The following SEC16A variants were observed in gnomAD, a reference collection of about 807,000 sequenced individuals.
The protein encoded by SEC16A is protein transport protein Sec16A.
In SEC16A, 110 loss-of-function variants were observed where a neutral mutation model predicts 221.9. The observed-to-expected ratio is 0.50, with a 90% confidence interval of 0.42 to 0.58. The LOEUF is 0.58. Ranked by LOEUF, SEC16A falls within the 20% of genes least tolerant of loss-of-function variation. The pLI is 0.00. For synonymous variants in SEC16A, 1,393 were observed against 1,257.7 expected (o/e 1.11, Z -2.28); for missense variants, 3,165 against 3,097.8 (o/e 1.02, Z -0.52).
At chr9:136,461,452 G>C (rs964109819) in intron 12 of SEC16A, among the ~76,000 whole-genome samples, 178 bp from the exon 13 acceptor site, 3 of 152,202 alleles carry the variant, frequency 2.0e-5, no homozygotes, top group African/African-American at 7.2e-5. Flanking sequence ...ATTTTCCTGA[G>C]TTTCAAAGTC....
intron 1 of SEC16A, among the ~76,000 whole-genome samples, chr9:136,480,872 G>A (rs1180729653): frequency 6.7e-6 from 1 of 148,172 alleles, no homozygotes; most frequent in Non-Finnish European, 1.5e-5. Context: ...CCTGGGCAGA[G>A]CGAGACTCCG....
chr9:136,462,385 C>T (rs1441218460), intron 12 of SEC16A, among the ~76,000 whole-genome samples: 1 of 152,212 alleles, frequency 6.6e-6, no homozygotes, highest in South Asian at 2.1e-4. Flanking sequence ...GGCCCCCCAC[C>T]TGCCCCAGTC....
chr9:136,447,956 C>T lies in SEC16A; in HGVS notation c.6391-47G>A, dbSNP rs759732865. The T allele has an allele frequency of 6.4e-7, 1 of 1,557,942 alleles. No homozygotes were observed. The highest frequency in any genetic ancestry group is 1.4e-5 in the African/African-American group (1 of 73,624). ...AAAAGGTCAGCAGACTGAACCTAAACAGAATTAGCATCTGATTAATGATGA... is the reference window on the plus strand; with the variant it reads ...AAAAGGTCAGCAGACTGAACCTAAATAGAATTAGCATCTGATTAATGATGA... On this transcript the variant is annotated intron_variant, in intron 24 of 31. Transcript: ENST00000684901. The surrounding 1 kb of genome is among the most constrained non-coding windows in gnomAD (Gnocchi z 5.5).
rs546424793 is a variant in SEC16A, at chr9:136,449,627, T to C, written c.6313-1466A>G. Among the ~76,000 whole-genome samples the C allele has an allele frequency of 1.1e-3, 163 of 152,248 alleles. 1 individual carries two copies. Among genetic ancestry groups the C allele is most frequent in the Middle Eastern group, 6.8e-3 (2 of 294 alleles). On this transcript the variant is annotated intron_variant, in intron 23 of 31. Coordinates refer to ENST00000684901, the MANE Select transcript of SEC16A (RefSeq NM_014866.2). ...CTGGGGTGACAGGTGTGAGCCGCCA[T>C]GCCCGGCCTGATGCACTTCACTTCT...
Position 136,446,843 on chromosome 9 carries a change from G to A in SEC16A, c.6792+12C>T, listed in dbSNP as rs1178444660. 3.3e-5 allele frequency: 52 copies of A among 1,592,006 alleles called. No homozygotes were observed. The highest frequency in any genetic ancestry group is 1.7e-4 in the Middle Eastern group (1 of 5,956). On this transcript the variant is annotated intron_variant, in intron 28 of 31. Transcript: ENST00000684901. ...CTGGGTACCTTTCCCCTTTCCCACCGTACCCGCTCACCTTGGGCTCTGGGG... is the reference window on the plus strand; with the variant it reads ...CTGGGTACCTTTCCCCTTTCCCACCATACCCGCTCACCTTGGGCTCTGGGG...
chr9:136,484,675 G>A (rs772937566), upstream of SEC16A: 2 of 1,366,324 alleles, frequency 1.5e-6, no homozygotes, highest in Admixed American at 1.9e-5. Context: ...TCCGTGCCAC[G>A]CCAGCAGGGC....
At position 136,448,909 on chromosome 9, in the gene SEC16A, G is replaced by A. The variant is rs748031662; in HGVS notation, c.6313-748C>T. 3.1e-4 allele frequency: 214 copies of A among 683,906 alleles called. 1 individual carries two copies. Among genetic ancestry groups the A allele is most frequent in the Admixed American group, 6.4e-4 (31 of 48,070 alleles). The allele number at this position is 683,906 out of a possible 1,614,324, so 42.4% of individuals were successfully genotyped here. On this transcript the variant is annotated intron_variant, in intron 23 of 31. Coordinates refer to ENST00000684901, the MANE Select transcript of SEC16A (RefSeq NM_014866.2). ...TTTCAAGGAGACAGAGTTTCTGTTTGGGAAGGTGAGACAGTTCTGGAGATG... is the reference window on the plus strand; with the variant it reads ...TTTCAAGGAGACAGAGTTTCTGTTTAGGAAGGTGAGACAGTTCTGGAGATG...
At chr9:136,451,655 A>G (rs1306419077) in intron 22 of SEC16A, among the ~76,000 whole-genome samples, 3 of 152,204 alleles carry the variant, frequency 2.0e-5, no homozygotes, top group Admixed American at 6.5e-5. Flanking sequence ...GTCTGGGAGC[A>G]CTCAGCACTC....
In SEC16A at chr9:136,465,946, C is replaced by A; in HGVS notation, c.4303+16G>T. ...GTGGGGTTAGCCGGTATCCCTCTGT[C>A]CTGCTGAGCACACACCTTGCTCCAT... is the stretch of plus-strand genomic sequence containing the variant. On this transcript the variant is annotated intron_variant, in intron 8 of 31. Transcript: ENST00000684901. The A allele has an allele frequency of 6.2e-7, 1 of 1,610,916 alleles. No homozygotes were observed. The highest frequency in any genetic ancestry group is 1.1e-5 in the South Asian group (1 of 90,958).
intron 20 of SEC16A, among the ~76,000 whole-genome samples, 161 bp downstream of exon 20, chr9:136,455,440 A>T (rs1471322830): frequency 6.6e-6 from 1 of 152,108 alleles, no homozygotes; most frequent in Non-Finnish European, 1.5e-5. Context: ...GGGAAGAGGG[A>T]GGAGACCGAG....
upstream of SEC16A, chr9:136,483,380 C>T (rs1212055591): frequency 3.3e-6 from 2 of 603,338 alleles, no homozygotes; most frequent in Non-Finnish European, 4.1e-6. Context: ...TTCGTCCCGC[C>T]CCCTTAGCCC....
chr9:136,471,856 G>T, intron 4 of SEC16A, 119 bp downstream of exon 4: 1 of 1,226,292 alleles, frequency 8.2e-7, no homozygotes, highest in Admixed American at 2.0e-5. Context: ...TGTTAGATAA[G>T]TTTGTACAAT....
chr9:136,463,481 G>A lies in SEC16A; in HGVS notation c.4629C>T (p.Leu1543=), dbSNP rs759713406. Residue 1543 remains leucine, a synonymous_variant, in exon 11 of 32, where the codon CTC becomes CTT. Transcript: ENST00000684901. ...AACATACCCCATTTTGTCTGCATAA[G>A]AGAACAATAAAATTCCAAAGAAGAC... is the stretch of plus-strand genomic sequence containing the variant. ...SASLLWNFIV[L]LCRQNGTVVG... 1 of 1,613,806 alleles carries A rather than the reference G, an allele frequency of 6.2e-7. No individual in the cohort carries two copies.
At position 136,474,088 on chromosome 9, in the gene SEC16A, C is replaced by T. The variant is rs767094105; in HGVS notation, c.3528G>A (p.Pro1176=). ...YDAYQPQYSL[P]YPPEPGAASL... is the part of the protein sequence containing the mutation. ...AGGCTGCGCCAGGCTCCGGTGGGTACGGCAAAGAGTACTGAGGCTGGTAGG... is the reference window on the plus strand; with the variant it reads ...AGGCTGCGCCAGGCTCCGGTGGGTATGGCAAAGAGTACTGAGGCTGGTAGG... The change falls in exon 3 of 32, where the codon CCG becomes CCA. Residue 1176 remains proline, a synonymous_variant. Coordinates refer to ENST00000684901, the MANE Select transcript of SEC16A (RefSeq NM_014866.2). 1.4e-5 allele frequency: 23 copies of T among 1,611,850 alleles called. No individual in the cohort carries two copies. Among genetic ancestry groups the T allele is most frequent in the South Asian group, 1.2e-4 (11 of 90,936 alleles).
upstream of SEC16A, chr9:136,483,430 C>T: frequency 2.4e-6 from 2 of 840,458 alleles, no homozygotes; most frequent in Non-Finnish European, 2.8e-6. Flanking sequence ...CCTGTCGTTC[C>T]CGCCCCTTTG....
chr9:136,452,323 C>T (rs777229655), intron 22 of SEC16A, among the ~76,000 whole-genome samples: 25 of 150,614 alleles, frequency 1.7e-4, no homozygotes, highest in African/African-American at 4.6e-4. Flanking sequence ...TGGTGGTGGG[C>T]GCCTGTAGTC....
chr9:136,460,811 G>A (rs1476584917), intron 13 of SEC16A, among the ~76,000 whole-genome samples: 1 of 151,954 alleles, frequency 6.6e-6, no homozygotes, highest in Non-Finnish European at 1.5e-5. Context: ...TACTTGGGAG[G>A]CCAAGGCGTG....
Position 136,466,489 on chromosome 9 carries a change from G to A in SEC16A, c.3930-27C>T, listed in dbSNP as rs1840176083. 1 of 1,566,486 alleles carries A rather than the reference G, an allele frequency of 6.4e-7. No homozygotes were observed. The highest frequency in any genetic ancestry group is 2.3e-5 in the East Asian group (1 of 43,442). ...TAGAGGAAGCCGGGGGACAGAGGCAGAGGAATGGGAGTGCCGGAGGCCCCG... is the reference window on the plus strand; with the variant it reads ...TAGAGGAAGCCGGGGGACAGAGGCAAAGGAATGGGAGTGCCGGAGGCCCCG... On this transcript the variant is annotated intron_variant, in intron 6 of 31. Coordinates refer to ENST00000684901, the MANE Select transcript of SEC16A (RefSeq NM_014866.2). The surrounding 1 kb of genome is among the most constrained non-coding windows in gnomAD (Gnocchi z 5.5).
rs1264715440 is a variant in SEC16A, at chr9:136,464,523, G to A, written c.4343C>T (p.Pro1448Leu). The change falls in exon 9 of 32, where the codon CCT (proline) becomes CTT (leucine). Residue 1448 changes from proline (P) to leucine (L), a missense_variant. Coordinates refer to ENST00000684901, the MANE Select transcript of SEC16A (RefSeq NM_014866.2). ...AGGGCCAAACCTGGCACAGACATGA[G>A]GCACTGAAAATTTTTCAGGAGAAGT... ...RPTSPEKFSVPHVCARFGPGG... is the reference protein window; with the variant it reads ...RPTSPEKFSVLHVCARFGPGG... The A allele has an allele frequency of 2.5e-6, 4 of 1,605,876 alleles. No homozygotes were observed. The highest frequency in any genetic ancestry group is 2.2e-5 in the East Asian group (1 of 44,720).
Sources: gnomAD v4.1 joint callset for allele counts (sites outside exome capture counted in the v4.1 genomes callset) on GRCh38, gnomAD v4.1.1 for gene constraint, Gnocchi (gnomAD v3.1) non-coding constraint, MANE v1.5 for transcripts, NCBI Gene and HGNC (gene_info 2026-07-23, HGNC 2026-07-21) for gene names.